MAP2: variants seen among roughly 807,000 people sequenced by gnomAD.
The protein encoded by MAP2 is microtubule-associated protein 2.
A neutral mutation model predicts 137.6 loss-of-function variants in MAP2; 14 were observed. That is an observed-to-expected ratio of 0.10 (90% CI 0.07 to 0.16). MAP2 has a LOEUF of 0.16. MAP2 is among the 10% of genes least tolerant of loss of function. MAP2 has a pLI of 1.00. For synonymous variants in MAP2, 786 were observed against 782.3 expected (o/e 1.00, Z -0.08); for missense variants, 2,088 against 2,191.5 (o/e 0.95, Z 0.94).
chr2:209,679,500 C>G (rs2053589119), intron 6 of MAP2, among the ~76,000 whole-genome samples: 1 of 151,014 alleles, frequency 6.6e-6, no homozygotes, highest in Non-Finnish European at 1.5e-5. Context: ...CAGGTATATA[C>G]ACGTGAGTCA....
intron 3 of MAP2, among the ~76,000 whole-genome samples, chr2:209,581,960 T>G (rs138894572): frequency 0.013 from 1,996 of 152,126 alleles, 126 homozygotes; most frequent in Admixed American, 0.1. Flanking sequence ...GTTGGGTGAT[T>G]AAAGCAGAAC....
chr2:209,640,552 C>CAAAAA (rs5838177), intron 4 of MAP2, among the ~76,000 whole-genome samples: 1 of 136,260 alleles, frequency 7.3e-6, no homozygotes, highest in Non-Finnish European at 1.7e-5. Flanking sequence ...CAAAGAAATG[C>CAAAAA]AAAAAAAAAA....
chr2:209,559,684 T>C (rs533028710), intron 2 of MAP2, among the ~76,000 whole-genome samples: 1 of 151,976 alleles, frequency 6.6e-6, no homozygotes, highest in East Asian at 1.9e-4. Context: ...ATTTGGCCAC[T>C]GGGAGCCCCA....
Position 209,710,260 on chromosome 2 carries a change from A to G in MAP2, c.5073+6A>G, listed in dbSNP as rs113395898. The G allele has an allele frequency of 2.4e-5, 37 of 1,554,698 alleles. No individual in the cohort carries two copies. The African/African-American group carries it at 2.9e-4, about 12-fold the overall frequency. ...ACCAGCCTAAAGGGGGGCAGGTAAG[A>G]ATTGCATGAACACATATTTGCTGCC... On this transcript the variant is annotated splice_donor_region_variant and intron_variant, in intron 13 of 15. Coordinates refer to ENST00000682079, the MANE Select transcript of MAP2 (RefSeq NM_001375505.1).
intron 1 of MAP2, among the ~76,000 whole-genome samples, chr2:209,431,864 A>G (rs1694364366): frequency 6.6e-6 from 1 of 152,232 alleles, no homozygotes; most frequent in Non-Finnish European, 1.5e-5. Context: ...GGTTATTCCA[A>G]CCAGCTACAT....
At chr2:209,474,015 G>T (rs898468296) in intron 1 of MAP2, among the ~76,000 whole-genome samples, 1 of 152,090 alleles carries the variant, frequency 6.6e-6, no homozygotes, top group East Asian at 1.9e-4. Flanking sequence ...GATCTACTCC[G>T]CAGTGCTCTA....
At chr2:209,689,527 T>C (rs926187244) in intron 7 of MAP2, among the ~76,000 whole-genome samples, 2 of 152,162 alleles carry the variant, frequency 1.3e-5, no homozygotes, top group African/African-American at 4.8e-5. Flanking sequence ...TACTTATTTT[T>C]ACTGACATTT....
In MAP2 at chr2:209,425,952, T is replaced by C. The variant is rs141062111; in HGVS notation, c.-222+1676T>C. On this transcript the variant is annotated intron_variant, in intron 1 of 15. Coordinates refer to ENST00000682079, the MANE Select transcript of MAP2 (RefSeq NM_001375505.1). ...TTGTGAATTTGCAAATCATGGATGT[T>C]CCAAAAGCCCCAGCCCCATGCACAC... 6.2e-4 allele frequency among the ~76,000 whole-genome samples: 94 copies of C among 152,326 alleles called. No homozygotes were observed. The East Asian group carries it at 0.014, about 22-fold the overall frequency.
At chr2:209,575,602 A>G (rs1025526337) in intron 2 of MAP2, among the ~76,000 whole-genome samples, 1 of 151,888 alleles carries the variant, frequency 6.6e-6, no homozygotes, top group African/African-American at 2.4e-5. Flanking sequence ...TTTAAGAAAG[A>G]CTGAATATAT....
At chr2:209,450,162 G>A (rs111376917) in intron 1 of MAP2, among the ~76,000 whole-genome samples, 14,342 of 152,040 alleles carry the variant, frequency 0.094, 1,443 homozygotes, top group African/African-American at 0.26. Flanking sequence ...GGCTGGTCTT[G>A]AACTCCCGAC....
chr2:209,529,708 A>G (rs1027505471), intron 2 of MAP2, among the ~76,000 whole-genome samples: 2 of 152,184 alleles, frequency 1.3e-5, no homozygotes, highest in African/African-American at 2.4e-5. Flanking sequence ...AAAATGGTCC[A>G]TAGAGAAGCA....
chr2:209,506,036 C>G lies in MAP2; in HGVS notation c.-221-1556C>G, dbSNP rs149207561. Among the ~76,000 whole-genome samples, 302 of 151,654 alleles carry G rather than the reference C, an allele frequency of 2.0e-3. 2 individuals carry two copies. Among genetic ancestry groups the G allele is most frequent in the African/African-American group, 7.0e-3 (289 of 41,390 alleles). On this transcript the variant is annotated intron_variant, in intron 1 of 15. Coordinates refer to ENST00000682079, the MANE Select transcript of MAP2 (RefSeq NM_001375505.1). ...TTCCCCTGAGAGTTTACAGTGGTGC[C>G]CTGGACCACCATGACAGTTAGAGAG... is the stretch of plus-strand genomic sequence containing the variant.
intron 3 of MAP2, among the ~76,000 whole-genome samples, chr2:209,606,030 T>C (rs747583031): frequency 4.6e-5 from 7 of 152,194 alleles, no homozygotes; most frequent in African/African-American, 7.2e-5. Flanking sequence ...TAAATACTTA[T>C]TTTATAAATG....
intron 12 of MAP2, 112 bp from the exon 13 acceptor site, chr2:209,709,802 A>G (rs1354803507): frequency 1.3e-6 from 1 of 772,340 alleles, no homozygotes; most frequent in African/African-American, 1.8e-5. Flanking sequence ...AACTGTTTCT[A>G]AATACCTTAG....
chr2:209,614,815 C>T (rs532309510), intron 3 of MAP2, among the ~76,000 whole-genome samples: 1 of 152,270 alleles, frequency 6.6e-6, no homozygotes, highest in South Asian at 2.1e-4. Flanking sequence ...AGTGATCATG[C>T]ATTGCCTCTT....
In MAP2 at chr2:209,575,530, A is replaced by C. The variant is rs1016677255; in HGVS notation, c.-171-4506A>C. Among the ~76,000 whole-genome samples the C allele has an allele frequency of 2.5e-4, 38 of 150,678 alleles. No homozygotes were observed. The East Asian group carries it at 3.5e-3, about 14-fold the overall frequency. ...TGAGACTCCATCTCAAAAAAAAAAA[A>C]AAAAAAAAAAAAAATACATATATAT... On this transcript the variant is annotated intron_variant, in intron 2 of 15. Coordinates refer to ENST00000682079, the MANE Select transcript of MAP2 (RefSeq NM_001375505.1).
At chr2:209,482,757 G>T (rs1354048503) in intron 1 of MAP2, among the ~76,000 whole-genome samples, 1 of 152,140 alleles carries the variant, frequency 6.6e-6, no homozygotes, top group Non-Finnish European at 1.5e-5. Flanking sequence ...CATGGCCTCA[G>T]CTCCTTCCAT....
intron 13 of MAP2, among the ~76,000 whole-genome samples, chr2:209,717,918 G>A (rs377326698): frequency 2.0e-5 from 3 of 152,036 alleles, no homozygotes; most frequent in African/African-American, 7.3e-5. Flanking sequence ...TCTTCTTAGA[G>A]CTACAATAAG....
chr2:209,654,588 T>TA (rs1378784100), intron 5 of MAP2, among the ~76,000 whole-genome samples: 1 of 152,198 alleles, frequency 6.6e-6, no homozygotes, highest in African/African-American at 2.4e-5. Flanking sequence ...GTGGTATCAA[T>TA]ATGGATGACA....
Sources: allele counts gnomAD v4.1 joint callset (sites outside exome capture counted in the v4.1 genomes callset), GRCh38; gene constraint gnomAD v4.1.1; transcripts MANE v1.5; gene names NCBI Gene and HGNC (gene_info 2026-07-23, HGNC 2026-07-21).